The following BCL11A variants were observed in gnomAD, a reference collection of about 807,000 sequenced individuals.
The protein encoded by BCL11A is BCL11 transcription factor A, also known as B cell CLL/lymphoma 11A.
BCL11A carries 2 observed loss-of-function variants against 55.9 expected under a neutral mutation model. The observed-to-expected ratio is 0.04, with a 90% CI of 0.01 to 0.11. The LOEUF is 0.11. Ranked by LOEUF, BCL11A falls within the 10% of genes least tolerant of loss-of-function variation. BCL11A has a pLI of 1.00. For missense variants in BCL11A, 817 were observed against 1,137.1 expected (o/e 0.72, Z 4.05); for synonymous variants, 465 against 473.4 (o/e 0.98, Z 0.23).
At position 60,460,223 on chromosome 2, in the gene BCL11A, G is replaced by A. The variant is rs1459904598; in HGVS notation, c.*181C>T. 12 of 1,309,062 alleles carry A rather than the reference G, an allele frequency of 9.2e-6. No individual in the cohort carries two copies. Among genetic ancestry groups the A allele is most frequent in the Non-Finnish European group, 1.2e-5 (12 of 1,031,020 alleles). 81.1% of individuals were successfully genotyped at this position (1,309,062 alleles called of 1,614,324 possible). ...AAAAAGAAAAAGAAAAAAAACAGGTGTGCTGGTGACAAGCACTCTCATATT... is the reference window on the plus strand; with the variant it reads ...AAAAAGAAAAAGAAAAAAAACAGGTATGCTGGTGACAAGCACTCTCATATT... On this transcript the variant is annotated 3_prime_UTR_variant, in exon 4 of 4. Coordinates refer to ENST00000642384, the MANE Select transcript of BCL11A (RefSeq NM_022893.4).
Position 60,476,798 on chromosome 2 carries a change from C to G in BCL11A, c.386-7965G>C, listed in dbSNP as rs542512928. 2.6e-5 allele frequency among the ~76,000 whole-genome samples: 4 copies of G among 152,270 alleles called. No individual in the cohort carries two copies. The East Asian group carries it at 7.7e-4, about 29-fold the overall frequency. ...ACTTTAAATTCAGTGGGGGAGCTCA[C>G]TATTTAAAGAAACCCTGTGGTGAAA... is the stretch of plus-strand genomic sequence containing the variant. On this transcript the variant is annotated intron_variant, in intron 2 of 3. Coordinates refer to ENST00000642384, the MANE Select transcript of BCL11A (RefSeq NM_022893.4).
intron 2 of BCL11A, chr2:60,536,205 T>C (rs1419863359): frequency 1.3e-5 from 2 of 152,198 alleles, no homozygotes; most frequent in Non-Finnish European, 2.9e-5. Context: ...TCGAAGAATA[T>C]TCCAAGAACC....
In BCL11A at chr2:60,493,118, G is replaced by A. The variant is rs979815933; in HGVS notation, c.386-24285C>T. Among the ~76,000 whole-genome samples, 7 of 152,304 alleles carry A rather than the reference G, an allele frequency of 4.6e-5. No individual in the cohort carries two copies. In the South Asian group the frequency reaches 1.5e-3, roughly 32 times the overall value. On this transcript the variant is annotated intron_variant, in intron 2 of 3. Transcript: ENST00000642384. ...TTTTGTGTTTAATTTCTTCCACAGA[G>A]CAGAATGATTCTGGGATTCATCCAT...
At chr2:60,548,830 A>G (rs1670266360) in intron 1 of BCL11A, among the ~76,000 whole-genome samples, 1 of 152,248 alleles carries the variant, frequency 6.6e-6, no homozygotes, top group African/African-American at 2.4e-5. Flanking sequence ...ATATGAAAAT[A>G]CAATTCTCAT....
At chr2:60,464,752 G>A (rs1349658321) in intron 3 of BCL11A, among the ~76,000 whole-genome samples, 1 of 152,108 alleles carries the variant, frequency 6.6e-6, no homozygotes, top group African/African-American at 2.4e-5. Context: ...GCTTAAATGA[G>A]AAAAGTCCAT....
chr2:60,530,754 A>G (rs1425618563), intron 2 of BCL11A, among the ~76,000 whole-genome samples: 1 of 150,100 alleles, frequency 6.7e-6, no homozygotes, highest in Non-Finnish European at 1.5e-5. Context: ...GCTCTCATCT[A>G]AAGCCTGGCC....
At chr2:60,518,828 AC>A (rs1213540402) in intron 2 of BCL11A, among the ~76,000 whole-genome samples, 1 of 152,216 alleles carries the variant, frequency 6.6e-6, no homozygotes, top group Non-Finnish European at 1.5e-5. Flanking sequence ...CTGGATGGAC[AC>A]CATCCACATG....
At position 60,546,265 on chromosome 2, in the gene BCL11A, G is replaced by A. The variant is rs1483919423; in HGVS notation, c.91C>T (p.Pro31Ser). 1 of 1,614,160 alleles carries A rather than the reference G, an allele frequency of 6.2e-7. No homozygotes were observed. The highest frequency in any genetic ancestry group is 8.5e-7 in the Non-Finnish European group (1 of 1,180,018). Residue 31 changes from proline (P) to serine (S), a missense_variant, in exon 2 of 4, where the codon CCA (proline) becomes TCA (serine). Pro to Ser is a moderately conservative substitution (Grantham distance 74). Coordinates refer to ENST00000642384, the MANE Select transcript of BCL11A (RefSeq NM_022893.4). The surrounding 1 kb of genome is among the most constrained non-coding windows in gnomAD (Gnocchi z 4.1). ...PLEAILTDDE[P>S]DHGPLGAPEG... is the part of the protein sequence containing the mutation. ...GGAGCTCCCAACGGGCCGTGGTCTG[G>A]TTCATCATCTGTAAGAATGGCTTCA...
chr2:60,464,541 A>G (rs1192617692), intron 3 of BCL11A, among the ~76,000 whole-genome samples: 19 of 152,148 alleles, frequency 1.2e-4, no homozygotes, highest in Admixed American at 1.2e-3. Context: ...TTGTCTGATA[A>G]TCCAAGTCCT....
At chr2:60,476,324 G>A (rs1677597246) in intron 2 of BCL11A, among the ~76,000 whole-genome samples, 1 of 152,216 alleles carries the variant, frequency 6.6e-6, no homozygotes. Flanking sequence ...GAGACTGAAG[G>A]TCAGAGAACC....
Position 60,460,056 on chromosome 2 carries a change from A to C in BCL11A, c.*348T>G, listed in dbSNP as rs1027792124. ...CCATACATGCTGTCTAAGTTTAAAA[A>C]AAAACATACACAACATGTAAATTAT... On this transcript the variant is annotated 3_prime_UTR_variant, in exon 4 of 4. Transcript: ENST00000642384. 9.2e-7 allele frequency: 1 copy of C among 1,091,260 alleles called. No individual in the cohort carries two copies. Among genetic ancestry groups the C allele is most frequent in the Non-Finnish European group, 1.1e-6 (1 of 896,916 alleles). The allele number at this position is 1,091,260 out of a possible 1,614,324, so 67.6% of individuals were successfully genotyped here. A position where few individuals can be genotyped will look rare whatever the true frequency, so the allele number is the denominator to read the frequency against.
chr2:60,502,529 TAAAG>T (rs1452788100), intron 2 of BCL11A, among the ~76,000 whole-genome samples: 1 of 152,220 alleles, frequency 6.6e-6, no homozygotes, highest in Non-Finnish European at 1.5e-5. Context: ...GTATTGCTCC[TAAAG>T]AAAGAGCCAG....
At chr2:60,505,496 G>A (rs753423615) in intron 2 of BCL11A, among the ~76,000 whole-genome samples, 3 of 152,208 alleles carry the variant, frequency 2.0e-5, no homozygotes, top group East Asian at 1.9e-4. Flanking sequence ...GGGAACAAGC[G>A]GGTGCTTTCC....
intron 2 of BCL11A, among the ~76,000 whole-genome samples, chr2:60,501,972 G>C (rs1392090817): frequency 6.6e-6 from 1 of 152,160 alleles, no homozygotes; most frequent in African/African-American, 2.4e-5. Context: ...GAATAAAGTA[G>C]TATTATGTTT....
chr2:60,468,685 A>G, intron 3 of BCL11A, 47 bp downstream of exon 3: 1 of 1,414,722 alleles, frequency 7.1e-7, no homozygotes, highest in South Asian at 1.2e-5. Flanking sequence ...AGAAATTCTC[A>G]TCTCTATACA....
intron 2 of BCL11A, among the ~76,000 whole-genome samples, chr2:60,474,954 A>G (rs2104071195): frequency 6.6e-6 from 1 of 152,358 alleles, no homozygotes; most frequent in African/African-American, 2.4e-5. Flanking sequence ...TGCTATGGAA[A>G]TTCAAAGGAA....
At chr2:60,515,290 C>T (rs1469358) in intron 2 of BCL11A, among the ~76,000 whole-genome samples, 57,753 of 152,070 alleles carry the variant, frequency 0.38, 11,646 homozygotes, top group African/African-American at 0.44. Flanking sequence ...AGCCTCACAC[C>T]TTCCCTGGAC....
At chr2:60,551,527 C>A (rs1030494067) in intron 1 of BCL11A, among the ~76,000 whole-genome samples, 6 of 152,226 alleles carry the variant, frequency 3.9e-5, no homozygotes, top group Admixed American at 3.9e-4. Context: ...GTGACCTCCT[C>A]GCGGTCCCGA....
intron 2 of BCL11A, among the ~76,000 whole-genome samples, chr2:60,473,828 T>C (rs988143599): frequency 6.6e-6 from 1 of 152,252 alleles, no homozygotes; most frequent in African/African-American, 2.4e-5. Context: ...AACCTTCTGA[T>C]ATTGTCAAAA....
Sources: allele counts gnomAD v4.1 joint callset (sites outside exome capture counted in the v4.1 genomes callset), GRCh38; gene constraint gnomAD v4.1.1; non-coding constraint Gnocchi (gnomAD v3.1); transcripts MANE v1.5; gene names NCBI Gene and HGNC (gene_info 2026-07-23, HGNC 2026-07-21).